CSMD1: variants seen among roughly 807,000 people sequenced by gnomAD.
The protein encoded by CSMD1 is CUB and Sushi multiple domains 1.
CSMD1 carries 213 observed loss-of-function variants against 417.5 expected under a neutral mutation model. That is an observed-to-expected ratio of 0.51 (90% CI 0.46 to 0.57). The LOEUF is 0.57. Ranked by LOEUF, CSMD1 falls within the 20% of genes least tolerant of loss-of-function variation. The pLI is 0.00. For synonymous variants in CSMD1, 2,862 were observed against 1,736.8 expected (o/e 1.65, Z -16.11); for missense variants, 6,923 against 4,529.7 (o/e 1.53, Z -15.17).
intron 2 of CSMD1, among the ~76,000 whole-genome samples, chr8:4,488,505 G>A (rs1022289207): frequency 8.5e-5 from 13 of 152,120 alleles, no homozygotes; most frequent in African/African-American, 1.9e-4. Flanking sequence ...ACCCTACTCT[G>A]AATCAAACAT....
chr8:3,396,714 T>C (rs1478724235), intron 16 of CSMD1, among the ~76,000 whole-genome samples: 1 of 152,108 alleles, frequency 6.6e-6, no homozygotes, highest in African/African-American at 2.4e-5. Context: ...GATAGACAAA[T>C]AGATTATTCC....
chr8:3,497,225 C>A (rs1264685695), intron 10 of CSMD1, among the ~76,000 whole-genome samples: 6 of 152,088 alleles, frequency 3.9e-5, no homozygotes, highest in Admixed American at 3.9e-4. Context: ...ATAATCTGTT[C>A]CATGCTGAGA....
intron 1 of CSMD1, among the ~76,000 whole-genome samples, chr8:4,899,631 T>C (rs938002573): frequency 2.6e-5 from 4 of 152,274 alleles, no homozygotes; most frequent in African/African-American, 9.6e-5. Context: ...CATATAGGGT[T>C]TTGTCTGTAG....
At chr8:2,945,512 T>C (rs1802167893) in intron 68 of CSMD1, among the ~76,000 whole-genome samples, 1 of 152,206 alleles carries the variant, frequency 6.6e-6, no homozygotes. Context: ...GGAGTCGACA[T>C]TACATAAGAC....
At chr8:3,725,606 G>C (rs1200112193) in intron 6 of CSMD1, among the ~76,000 whole-genome samples, 2 of 152,124 alleles carry the variant, frequency 1.3e-5, no homozygotes, top group Non-Finnish European at 2.9e-5. Flanking sequence ...GCTTAGGAGA[G>C]AGAAGGTTTC....
chr8:4,594,750 T>A (rs1370978835), intron 2 of CSMD1, among the ~76,000 whole-genome samples: 2 of 152,194 alleles, frequency 1.3e-5, no homozygotes, highest in African/African-American at 4.8e-5. Flanking sequence ...CACATGGCTA[T>A]CTTTCCTCCC....
At chr8:4,338,659 G>T (rs1474445993) in intron 3 of CSMD1, among the ~76,000 whole-genome samples, 3 of 152,038 alleles carry the variant, frequency 2.0e-5, no homozygotes, top group Admixed American at 1.3e-4. Context: ...ATGTGCTCAC[G>T]GGTGAGTCAG....
chr8:3,282,667 C>G lies in CSMD1; in HGVS notation c.4153+1477G>C, dbSNP rs547734767. Among the ~76,000 whole-genome samples the G allele has an allele frequency of 1.5e-3, 223 of 152,240 alleles. 1 individual carries two copies. Among genetic ancestry groups the G allele is most frequent in the African/African-American group, 5.0e-3 (207 of 41,530 alleles). On this transcript the variant is annotated intron_variant, in intron 26 of 69. Coordinates refer to ENST00000635120, the MANE Select transcript of CSMD1 (RefSeq NM_033225.6). Reference sequence around the variant, plus strand: ...GGACCAGTGAAAATTTTACCATGTACAAGTACTATTCCACAGGCACGTGTT... The same window carrying G: ...GGACCAGTGAAAATTTTACCATGTAGAAGTACTATTCCACAGGCACGTGTT...
chr8:3,490,149 G>C (rs990648189), intron 11 of CSMD1, among the ~76,000 whole-genome samples: 4 of 152,166 alleles, frequency 2.6e-5, no homozygotes, highest in African/African-American at 9.7e-5. Flanking sequence ...GGTACACTAA[G>C]GACATATATC....
intron 1 of CSMD1, among the ~76,000 whole-genome samples, chr8:4,936,482 C>G (rs1250385240): frequency 7.2e-5 from 11 of 152,288 alleles, no homozygotes; most frequent in African/African-American, 2.4e-4. Context: ...GGCTTTAAAA[C>G]TTTGCCCACC....
At chr8:4,651,107 G>T (rs765006098) in intron 1 of CSMD1, among the ~76,000 whole-genome samples, 8 of 152,070 alleles carry the variant, frequency 5.3e-5, no homozygotes, top group Non-Finnish European at 8.8e-5. Flanking sequence ...GATGCCAAGC[G>T]AATGGCAGCA....
intron 3 of CSMD1, among the ~76,000 whole-genome samples, chr8:4,054,223 T>C (rs1330361970): frequency 1.3e-5 from 2 of 152,160 alleles, no homozygotes; most frequent in East Asian, 3.9e-4. Context: ...GCCACCTCTC[T>C]TGTAGCTGAA....
chr8:4,098,658 T>C (rs116627172), intron 3 of CSMD1, among the ~76,000 whole-genome samples: 98 of 152,312 alleles, frequency 6.4e-4, no homozygotes, highest in East Asian at 4.4e-3. Context: ...TGGTTTTTAA[T>C]TCTTCACTGT....
At chr8:3,102,729 C>G (rs942473409) in intron 46 of CSMD1, among the ~76,000 whole-genome samples, 2 of 152,138 alleles carry the variant, frequency 1.3e-5, no homozygotes, top group Non-Finnish European at 2.9e-5. Flanking sequence ...GCTGAAAGAG[C>G]CAGCGCCTTT....
At chr8:4,408,224 C>A (rs913694452) in intron 3 of CSMD1, among the ~76,000 whole-genome samples, 32 of 151,834 alleles carry the variant, frequency 2.1e-4, no homozygotes. Context: ...GCCATTCCTC[C>A]TTCCTTATTG....
intron 5 of CSMD1, among the ~76,000 whole-genome samples, chr8:3,879,336 T>A (rs2975345): frequency 0.052 from 7,599 of 145,630 alleles, 631 homozygotes; most frequent in African/African-American, 0.19. Flanking sequence ...CATTACAAGA[T>A]TATTATTCAT....
At chr8:3,188,681 A>G (rs1228236520) in intron 35 of CSMD1, among the ~76,000 whole-genome samples, 4 of 148,164 alleles carry the variant, frequency 2.7e-5, no homozygotes, top group East Asian at 3.9e-4. Context: ...TTCAAAATAT[A>G]GAAAAATGGT....
At chr8:4,976,005 T>G (rs752893859) in intron 1 of CSMD1, among the ~76,000 whole-genome samples, 21 of 152,206 alleles carry the variant, frequency 1.4e-4, no homozygotes, top group Non-Finnish European at 2.4e-4. Flanking sequence ...CTCAACCCTT[T>G]CTGGTTTGGA....
At chr8:4,710,464 T>TTATATATATATATA (rs10660998) in intron 1 of CSMD1, among the ~76,000 whole-genome samples, 16 of 144,832 alleles carry the variant, frequency 1.1e-4, no homozygotes, top group African/African-American at 3.8e-4. Context: ...TAATGGAATA[T>TTATATATATATATA]TATATATATA....
Sources: allele counts gnomAD v4.1 joint callset (sites outside exome capture counted in the v4.1 genomes callset), GRCh38; gene constraint gnomAD v4.1.1; transcripts MANE v1.5; gene names NCBI Gene and HGNC (gene_info 2026-07-23, HGNC 2026-07-21).